CCSER2: variants seen among roughly 807,000 people sequenced by gnomAD.
CCSER2 encodes the protein serine-rich coiled-coil domain-containing protein 2.
In CCSER2, 46 loss-of-function variants were observed where a neutral mutation model predicts 92.3. The observed-to-expected ratio is 0.50, with a 90% CI of 0.39 to 0.64. The LOEUF (loss-of-function observed/expected upper bound fraction) is 0.64, where lower values mean the gene tolerates loss of function less well. Among genes scored for constraint, CCSER2 ranks in the 30% least tolerant of loss-of-function variants. The pLI is 0.00. For synonymous variants in CCSER2, 433 were observed against 431.4 expected (o/e 1.00, Z -0.04); for missense variants, 1,244 against 1,238.9 (o/e 1.00, Z -0.06).
At chr10:84,391,369 A>C in intron 3 of CCSER2, 1 of 1,452,196 alleles carries the variant, frequency 6.9e-7, no homozygotes, top group South Asian at 1.1e-5. Context: ...TGGTAGCCCA[A>C]AGTAACATCC....
chr10:84,426,107 TAAATAC>T (rs541025794), intron 5 of CCSER2, among the ~76,000 whole-genome samples: 135 of 152,328 alleles, frequency 8.9e-4, no homozygotes, highest in African/African-American at 3.2e-3. Context: ...ATCTTAAATA[TAAATAC>T]TCTATTTATA....
At chr10:84,434,578 GA>G (rs1843991847) in intron 5 of CCSER2, among the ~76,000 whole-genome samples, 1 of 152,172 alleles carries the variant, frequency 6.6e-6, no homozygotes, top group Non-Finnish European at 1.5e-5. Context: ...AAATATAGGT[GA>G]AGGGTATATT....
At chr10:84,390,245 A>G (rs1030584111) in intron 3 of CCSER2, among the ~76,000 whole-genome samples, 1 of 152,132 alleles carries the variant, frequency 6.6e-6, no homozygotes, top group African/African-American at 2.4e-5. Flanking sequence ...TCTGACGGTG[A>G]TAAACCTGAC....
At position 84,518,238 on chromosome 10, in the gene CCSER2, A is replaced by T. The variant is rs1198398279; in HGVS notation, c.*3971A>T. 6.6e-6 allele frequency: 1 copy of T among 152,450 alleles called. No individual in the cohort carries two copies. The highest frequency in any genetic ancestry group is 2.4e-5 in the African/African-American group (1 of 41,434). The allele number at this position is 152,450 out of a possible 1,614,324, so 9.4% of individuals were successfully genotyped here. ...TCTACAACTATGTCATTAACTGAAGATACATGTTTTAATCTTGTTGGGAAT... is the reference window on the plus strand; with the variant it reads ...TCTACAACTATGTCATTAACTGAAGTTACATGTTTTAATCTTGTTGGGAAT... On this transcript the variant is annotated 3_prime_UTR_variant, in exon 10 of 10. Coordinates refer to ENST00000372088, the MANE Select transcript of CCSER2 (RefSeq NM_001284240.2).
chr10:84,459,603 G>A (rs1026756305), intron 6 of CCSER2, among the ~76,000 whole-genome samples: 8 of 151,908 alleles, frequency 5.3e-5, no homozygotes, highest in African/African-American at 1.9e-4. Flanking sequence ...ACTGACCACA[G>A]CCTTGACTTC....
At chr10:84,423,225 A>G (rs1171228155) in intron 4 of CCSER2, among the ~76,000 whole-genome samples, 2 of 152,216 alleles carry the variant, frequency 1.3e-5, no homozygotes, top group African/African-American at 2.4e-5. Context: ...CAGCGTTTAA[A>G]AATATATAAA....
intron 1 of CCSER2, among the ~76,000 whole-genome samples, chr10:84,342,989 C>T (rs34975590): frequency 0.058 from 8,864 of 152,254 alleles, 371 homozygotes; most frequent in Admixed American, 0.1. Flanking sequence ...TCTCCTGCTT[C>T]AGCCTCCCAA....
rs141854311 is a variant in CCSER2 at position 84,407,842 on chromosome 10, G to A, written c.1615-9929G>A. On this transcript the variant is annotated intron_variant, in intron 3 of 9. Coordinates refer to ENST00000372088, the MANE Select transcript of CCSER2 (RefSeq NM_001284240.2). The stretch of plus-strand genomic sequence containing the variant: ...CAATGCCTAGCCCCCCAAATTGGCT[G>A]GCTGCCAAGACTGATGGTACCACAC... Among the ~76,000 whole-genome samples, 358 of 152,262 alleles carry A rather than the reference G, an allele frequency of 2.4e-3. 1 individual carries two copies. The highest frequency in any genetic ancestry group is 8.3e-3 in the African/African-American group (343 of 41,552).
chr10:84,349,833 T>A (rs1844763094), intron 1 of CCSER2, among the ~76,000 whole-genome samples: 2 of 152,090 alleles, frequency 1.3e-5, no homozygotes, highest in Non-Finnish European at 2.9e-5. Flanking sequence ...ATTCTCCACA[T>A]AACAGCCAGA....
At chr10:84,461,822 C>T (rs1277197019) in intron 6 of CCSER2, among the ~76,000 whole-genome samples, 1 of 152,010 alleles carries the variant, frequency 6.6e-6, no homozygotes, top group Non-Finnish European at 1.5e-5. Flanking sequence ...TGTGAGTTGA[C>T]ATTTTCTCCT....
intron 6 of CCSER2, among the ~76,000 whole-genome samples, chr10:84,448,023 C>T (rs922743237): frequency 6.6e-6 from 1 of 152,098 alleles, no homozygotes; most frequent in Non-Finnish European, 1.5e-5. Flanking sequence ...TCCGTGTACC[C>T]TTTTCTCATA....
chr10:84,434,984 G>T (rs554059909), intron 5 of CCSER2, among the ~76,000 whole-genome samples: 78 of 152,218 alleles, frequency 5.1e-4, no homozygotes, highest in African/African-American at 1.8e-3. Flanking sequence ...TCTTTATGCT[G>T]TGAAACAAAT....
intron 3 of CCSER2, among the ~76,000 whole-genome samples, chr10:84,415,395 C>T (rs541392318): frequency 7.2e-5 from 11 of 152,296 alleles, no homozygotes; most frequent in Admixed American, 2.6e-4. Context: ...TTAACAGTCA[C>T]GCTACTCCTC....
intron 3 of CCSER2, among the ~76,000 whole-genome samples, chr10:84,381,576 C>CCTTGCCTTATCTTCACAT (rs1840906261): frequency 6.6e-6 from 1 of 152,106 alleles, no homozygotes; most frequent in Non-Finnish European, 1.5e-5. Flanking sequence ...ACATGCGAGG[C>CCTTGCCTTATCTTCACAT]AGAGGGTACC....
At position 84,353,083 on chromosome 10, in the gene CCSER2, C is replaced by T. The variant is rs138347286; in HGVS notation, c.-39-17931C>T. Among the ~76,000 whole-genome samples, 938 of 152,304 alleles carry T rather than the reference C, an allele frequency of 6.2e-3. 12 individuals carry two copies. Among genetic ancestry groups the T allele is most frequent in the African/African-American group, 0.022 (905 of 41,562 alleles). On this transcript the variant is annotated intron_variant, in intron 1 of 9. Coordinates refer to ENST00000372088, the MANE Select transcript of CCSER2 (RefSeq NM_001284240.2). Reference sequence around the variant, plus strand: ...CTGGGATTACGGGCGTGAGCCACCGCGCCCAGCCTAAGATACAATTCTTAT... The same window carrying T: ...CTGGGATTACGGGCGTGAGCCACCGTGCCCAGCCTAAGATACAATTCTTAT...
intron 5 of CCSER2, among the ~76,000 whole-genome samples, chr10:84,434,154 A>G (rs767241064): frequency 6.6e-6 from 1 of 151,990 alleles, no homozygotes; most frequent in Non-Finnish European, 1.5e-5. Flanking sequence ...CTTATTTTTT[A>G]TTACCCTTCT....
At chr10:84,509,276 C>A (rs1849227700) in intron 9 of CCSER2, among the ~76,000 whole-genome samples, 1 of 152,148 alleles carries the variant, frequency 6.6e-6, no homozygotes, top group African/African-American at 2.4e-5. Context: ...ATAAGTAATT[C>A]TTGAATATAC....
At position 84,415,650 on chromosome 10, in the gene CCSER2, A is replaced by G. The variant is rs564244759; in HGVS notation, c.1615-2121A>G. ...TTAGGAGAAACAGGATCAGGGACCTACTTAAAGAAGTAGTCTGGCTGCTTT... is the reference window on the plus strand; with the variant it reads ...TTAGGAGAAACAGGATCAGGGACCTGCTTAAAGAAGTAGTCTGGCTGCTTT... On this transcript the variant is annotated intron_variant, in intron 3 of 9. Coordinates refer to ENST00000372088, the MANE Select transcript of CCSER2 (RefSeq NM_001284240.2). Among the ~76,000 whole-genome samples the G allele has an allele frequency of 4.6e-5, 7 of 152,292 alleles. No homozygotes were observed. The South Asian group carries it at 1.5e-3, about 32-fold the overall frequency.
chr10:84,391,384 A>T, intron 3 of CCSER2: 2 of 1,458,272 alleles, frequency 1.4e-6, no homozygotes, highest in Non-Finnish European at 1.9e-6. Context: ...ACATCCTAAC[A>T]CTAATGCATC....
Sources: allele counts gnomAD v4.1 joint callset (sites outside exome capture counted in the v4.1 genomes callset), GRCh38; gene constraint gnomAD v4.1.1; transcripts MANE v1.5; gene names NCBI Gene and HGNC (gene_info 2026-07-23, HGNC 2026-07-21).